Variants in DENND5B observed in about 807,000 individuals in gnomAD.
DENND5B encodes the protein DENN domain-containing protein 5B.
A neutral mutation model predicts 140.6 loss-of-function variants in DENND5B; 34 were observed. That is an observed-to-expected ratio of 0.24 (90% CI 0.18 to 0.32). The LOEUF (loss-of-function observed/expected upper bound fraction) is 0.32, where lower values mean the gene tolerates loss of function less well. DENND5B is among the 10% of genes least tolerant of loss of function. The pLI, the probability that DENND5B is intolerant of heterozygous loss-of-function variation, is 1.00. For missense variants in DENND5B, 1,142 were observed against 1,560.2 expected (o/e 0.73, Z 4.52); for synonymous variants, 551 against 562.1 (o/e 0.98, Z 0.28).
At chr12:31,497,777 GGGAGGGT>G (rs1946816653) in intron 1 of DENND5B, among the ~76,000 whole-genome samples, 1 of 78,260 alleles carries the variant, frequency 1.3e-5, no homozygotes, top group Non-Finnish European at 2.6e-5. Flanking sequence ...GAGCGGCATG[GGGAGGGT>G]GGAGGGGGAG....
chr12:31,434,350 G>C (rs191439847), intron 7 of DENND5B, among the ~76,000 whole-genome samples: 2 of 152,178 alleles, frequency 1.3e-5, no homozygotes, highest in Admixed American at 1.3e-4. Flanking sequence ...ATCAGTGCTA[G>C]TTCTATAATA....
intron 17 of DENND5B, among the ~76,000 whole-genome samples, chr12:31,394,116 C>T (rs1941305492): frequency 6.6e-6 from 1 of 152,052 alleles, no homozygotes; most frequent in Non-Finnish European, 1.5e-5. Context: ...TTTCTTTACC[C>T]AGTAGTTTTT....
chr12:31,481,590 G>T (rs1178041112), intron 2 of DENND5B, among the ~76,000 whole-genome samples: 1 of 152,216 alleles, frequency 6.6e-6, no homozygotes, highest in Admixed American at 6.5e-5. Flanking sequence ...GGATAAAGAA[G>T]ATTCCAGGCA....
At chr12:31,492,484 C>T (rs1946568576) in intron 2 of DENND5B, among the ~76,000 whole-genome samples, 1 of 152,176 alleles carries the variant, frequency 6.6e-6, no homozygotes, top group Non-Finnish European at 1.5e-5. Context: ...AGGCATGGTG[C>T]CACCACACCC....
intron 6 of DENND5B, chr12:31,444,061 G>C (rs1215342659): frequency 2.6e-5 from 4 of 152,114 alleles, no homozygotes; most frequent in African/African-American, 9.7e-5. Context: ...TTAATCAACT[G>C]AATTGTCAAG....
intron 4 of DENND5B, among the ~76,000 whole-genome samples, chr12:31,458,259 C>A (rs1313335735): frequency 6.6e-6 from 1 of 152,150 alleles, no homozygotes; most frequent in Non-Finnish European, 1.5e-5. Context: ...AATCTCTCAA[C>A]AATTGTTATG....
chr12:31,585,311 A>C (rs1950360467), intron 1 of DENND5B, among the ~76,000 whole-genome samples: 1 of 152,200 alleles, frequency 6.6e-6, no homozygotes, highest in South Asian at 2.1e-4. Context: ...CAGACCTTCC[A>C]AACTCCCAAG....
At position 31,495,880 on chromosome 12, in the gene DENND5B, T is replaced by C. The variant is rs369054817; in HGVS notation, c.167A>G (p.Lys56Arg). Residue 56 changes from lysine to arginine, a missense_variant, in exon 2 of 21, where the codon AAA (lysine) becomes AGA (arginine). Physicochemically the swap from Lys to Arg is conservative, Grantham distance 26. Coordinates refer to ENST00000389082, the MANE Select transcript of DENND5B (RefSeq NM_144973.4). ...FDQSPLRRTF[K>R]SKVLAHYPQN... ...AGGATAGTGGGCGAGAACTTTGGAT[T>C]TGAATGTTCTTCTCAAAGGACTCTG... The C allele has an allele frequency of 2.4e-5, 39 of 1,612,924 alleles. No individual in the cohort carries two copies. Among genetic ancestry groups the C allele is most frequent in the Non-Finnish European group, 3.1e-5 (36 of 1,179,580 alleles).
chr12:31,418,794 A>C (rs1370455925), intron 11 of DENND5B, among the ~76,000 whole-genome samples: 2 of 151,510 alleles, frequency 1.3e-5, no homozygotes, highest in Non-Finnish European at 2.9e-5. Flanking sequence ...AAACTAGAGA[A>C]CAAGTGAGAA....
intron 1 of DENND5B, among the ~76,000 whole-genome samples, chr12:31,520,201 A>G (rs926387823): frequency 1.3e-5 from 2 of 152,242 alleles, no homozygotes; most frequent in Non-Finnish European, 2.9e-5. Context: ...CAACTTACAG[A>G]TATCAAAATG....
intron 1 of DENND5B, among the ~76,000 whole-genome samples, chr12:31,512,067 C>A (rs753970694): frequency 1.3e-5 from 2 of 151,796 alleles, no homozygotes; most frequent in Admixed American, 6.6e-5. Context: ...CAGGCACGTG[C>A]CACCATGCCT....
At chr12:31,502,727 G>A (rs577031716) in intron 1 of DENND5B, among the ~76,000 whole-genome samples, 24 of 152,202 alleles carry the variant, frequency 1.6e-4, no homozygotes, top group African/African-American at 5.8e-4. Flanking sequence ...TTCTACGCTG[G>A]GGGGCTACTT....
chr12:31,575,033 G>A (rs1565710736), intron 1 of DENND5B, among the ~76,000 whole-genome samples: 1 of 152,180 alleles, frequency 6.6e-6, no homozygotes, highest in Non-Finnish European at 1.5e-5. Flanking sequence ...AGTCCAGTGT[G>A]AAAGTTCATT....
chr12:31,408,155 G>GAAAC, intron 14 of DENND5B, among the ~76,000 whole-genome samples: 1 of 151,452 alleles, frequency 6.6e-6, no homozygotes. Context: ...AATTAGCCGG[G>GAAAC]CATGGTGACA....
intron 1 of DENND5B, among the ~76,000 whole-genome samples, chr12:31,582,487 TAAG>T (rs1001032773): frequency 2.0e-5 from 3 of 152,306 alleles, no homozygotes; most frequent in South Asian, 2.1e-4. Flanking sequence ...TAAAACCCAG[TAAG>T]AAGAGCAAAG....
At chr12:31,432,081 CAGG>C (rs1175718384) in intron 8 of DENND5B, 2 of 985,086 alleles carry the variant, frequency 2.0e-6, no homozygotes, top group Non-Finnish European at 2.4e-6. Context: ...GGAAGTCGTG[CAGG>C]AGGAGGTGGA....
intron 1 of DENND5B, among the ~76,000 whole-genome samples, chr12:31,581,020 A>C (rs1156890362): frequency 6.6e-6 from 1 of 152,172 alleles, no homozygotes. Context: ...TAGGAGGATC[A>C]CTTGAGCCTA....
At chr12:31,580,630 G>C (rs1200316088) in intron 1 of DENND5B, among the ~76,000 whole-genome samples, 1 of 152,132 alleles carries the variant, frequency 6.6e-6, no homozygotes, top group Non-Finnish European at 1.5e-5. Flanking sequence ...GAGTAGCTGG[G>C]ATTACAGGCA....
intron 16 of DENND5B, 132 bp from the exon 17 acceptor site, chr12:31,398,494 G>T: frequency 1.3e-6 from 1 of 790,556 alleles, no homozygotes; most frequent in Non-Finnish European, 1.9e-6. Context: ...TTATAGAGAG[G>T]TCTCATTACA....
Sources: allele counts gnomAD v4.1 joint callset (sites outside exome capture counted in the v4.1 genomes callset), GRCh38; gene constraint gnomAD v4.1.1; transcripts MANE v1.5; gene names NCBI Gene and HGNC (gene_info 2026-07-23, HGNC 2026-07-21).